Variants in ADAMTS3 observed in about 807,000 individuals in gnomAD.
The protein encoded by ADAMTS3 is ADAM metallopeptidase with thrombospondin type 1 motif 3.
In ADAMTS3, 73 loss-of-function variants were observed where a neutral mutation model predicts 129.0. That is an observed-to-expected ratio of 0.57 (90% CI 0.47 to 0.69). The LOEUF is 0.69. Ranked by LOEUF, ADAMTS3 falls within the 30% of genes least tolerant of loss-of-function variation. The pLI, the probability that ADAMTS3 is intolerant of heterozygous loss-of-function variation, is 0.00. For missense variants in ADAMTS3, 1,457 were observed against 1,514.5 expected (o/e 0.96, Z 0.63); for synonymous variants, 477 against 510.8 (o/e 0.93, Z 0.89).
rs374166266 is a variant in ADAMTS3 at position 72,320,901 on chromosome 4, C to T, written c.946-31G>A. 19 of 1,589,700 alleles carry T rather than the reference C, an allele frequency of 1.2e-5. No individual in the cohort carries two copies. The African/African-American group carries it at 2.6e-4, about 22-fold the overall frequency. The stretch of plus-strand genomic sequence containing the variant: ...TGAAAACAATATGTTAAAGACACAC[C>T]TGACAATTTCCCAAAGGCTTCGTTT... On this transcript the variant is annotated intron_variant, in intron 6 of 21. Coordinates refer to ENST00000286657, the MANE Select transcript of ADAMTS3 (RefSeq NM_014243.3).
intron 3 of ADAMTS3, among the ~76,000 whole-genome samples, chr4:72,505,714 G>T (rs1401308336): frequency 1.3e-5 from 2 of 152,232 alleles, no homozygotes; most frequent in African/African-American, 4.8e-5. Flanking sequence ...CCTTAGCCCT[G>T]AGTTCCCTGC....
At chr4:72,305,785 G>A (rs1426924970) in intron 16 of ADAMTS3, among the ~76,000 whole-genome samples, 2 of 151,428 alleles carry the variant, frequency 1.3e-5, no homozygotes, top group Non-Finnish European at 2.9e-5. Context: ...ACATGCACAT[G>A]TACGCACATA....
chr4:72,282,332 C>T lies in ADAMTS3; in HGVS notation c.*804G>A, dbSNP rs771042138. 6.6e-6 allele frequency: 1 copy of T among 152,186 alleles called. No individual in the cohort carries two copies. The highest frequency in any genetic ancestry group is 2.4e-5 in the African/African-American group (1 of 41,444). 9.4% of individuals were successfully genotyped at this position (152,186 alleles called of 1,614,324 possible). On this transcript the variant is annotated 3_prime_UTR_variant, in exon 22 of 22. Transcript: ENST00000286657. Reference sequence around the variant, plus strand: ...TACTATTCGTTGATCCCTGTGACCACAAGTGTACTAAGACACCAATCCTTT... The same window carrying T: ...TACTATTCGTTGATCCCTGTGACCATAAGTGTACTAAGACACCAATCCTTT...
chr4:72,410,086 C>T (rs2109920067), intron 4 of ADAMTS3, among the ~76,000 whole-genome samples: 1 of 152,090 alleles, frequency 6.6e-6, no homozygotes, highest in Admixed American at 6.6e-5. Flanking sequence ...GTTACAAAGC[C>T]CACCAATGAT....
At chr4:72,409,339 T>C (rs1397892458) in intron 4 of ADAMTS3, among the ~76,000 whole-genome samples, 1 of 152,164 alleles carries the variant, frequency 6.6e-6, no homozygotes, top group Non-Finnish European at 1.5e-5. Flanking sequence ...TTTTTCTGAG[T>C]AGGCAATTAC....
At chr4:72,487,644 C>T (rs1034330849) in intron 3 of ADAMTS3, among the ~76,000 whole-genome samples, 1 of 152,060 alleles carries the variant, frequency 6.6e-6, no homozygotes, top group Admixed American at 6.6e-5. Flanking sequence ...ATTAACAATA[C>T]TTTCTGCTAC....
chr4:72,303,614 C>T (rs995472324), intron 17 of ADAMTS3, among the ~76,000 whole-genome samples: 1 of 151,306 alleles, frequency 6.6e-6, no homozygotes, highest in African/African-American at 2.4e-5. Flanking sequence ...GAAAAGCATA[C>T]AAAATGGTAA....
At chr4:72,313,558 C>G in intron 12 of ADAMTS3, 119 bp downstream of exon 12, 1 of 1,070,380 alleles carries the variant, frequency 9.3e-7, no homozygotes, top group Admixed American at 2.6e-5. Context: ...GAACTGTGAA[C>G]AATTTATTTT....
Position 72,313,750 on chromosome 4 carries a change from T to C in ADAMTS3, c.1672A>G (p.Thr558Ala). 1.9e-6 allele frequency: 3 copies of C among 1,613,878 alleles called. No individual in the cohort carries two copies. In the South Asian group the frequency reaches 3.3e-5, roughly 18 times the overall value. The change falls in exon 12 of 22, where the codon ACT (threonine) becomes GCT (alanine). Residue 558 changes from threonine to alanine, a missense_variant. By Grantham distance (58) the Thr-to-Ala change is moderately conservative. Coordinates refer to ENST00000286657, the MANE Select transcript of ADAMTS3 (RefSeq NM_014243.3). ...GTCCGAGAACAGGAGCCAAATTTAG[T>C]CCATGACCCCCAATTGCCATCTTGT... ...QKQDGNWGSWTKFGSCSRTCG... is the reference protein window; with the variant it reads ...QKQDGNWGSWAKFGSCSRTCG...
chr4:72,513,282 C>T (rs1720365226), intron 3 of ADAMTS3, among the ~76,000 whole-genome samples: 1 of 152,174 alleles, frequency 6.6e-6, no homozygotes, highest in Admixed American at 6.5e-5. Context: ...TCTTTGATCC[C>T]TTACACACAC....
chr4:72,494,597 A>G (rs1719827161), intron 3 of ADAMTS3, among the ~76,000 whole-genome samples: 1 of 152,312 alleles, frequency 6.6e-6, no homozygotes, highest in East Asian at 1.9e-4. Flanking sequence ...CAGATACTGG[A>G]AAATTATCAT....
chr4:72,386,677 G>A (rs555777285), intron 4 of ADAMTS3, among the ~76,000 whole-genome samples: 2 of 152,158 alleles, frequency 1.3e-5, no homozygotes, highest in East Asian at 1.9e-4. Flanking sequence ...ATTTTCATGA[G>A]CTAGACATAA....
At chr4:72,341,953 G>A (rs1052632783) in intron 4 of ADAMTS3, among the ~76,000 whole-genome samples, 5 of 152,118 alleles carry the variant, frequency 3.3e-5, no homozygotes, top group African/African-American at 1.2e-4. Flanking sequence ...GATAGCTTCT[G>A]GCACTTTTTA....
At chr4:72,536,133 T>A (rs753726542) in intron 3 of ADAMTS3, among the ~76,000 whole-genome samples, 2 of 152,150 alleles carry the variant, frequency 1.3e-5, no homozygotes, top group African/African-American at 4.8e-5. Context: ...CAATAAGAAG[T>A]CTATCATGGT....
Position 72,399,831 on chromosome 4 carries a change from GTATA to G in ADAMTS3, c.661+14980_661+14983del, listed in dbSNP as rs745677175. Among the ~76,000 whole-genome samples, 25 of 124,268 alleles carry G rather than the reference GTATA, an allele frequency of 2.0e-4. 3 individuals carry two copies. The highest frequency in any genetic ancestry group is 1.0e-3 in the Admixed American group (13 of 12,922). The allele number at this position is 124,268 out of a possible 152,430, so 81.5% of individuals were successfully genotyped here. On this transcript the variant is annotated intron_variant, in intron 4 of 21. Coordinates refer to ENST00000286657, the MANE Select transcript of ADAMTS3 (RefSeq NM_014243.3). Reference sequence around the variant, plus strand: ...ACACACACGGTGTGTATATACGTGTGTATATATATACACACACGGTGTGTATATA... The same window carrying G: ...ACACACACGGTGTGTATATACGTGTGTATATACACACACGGTGTGTATATA...
At chr4:72,546,835 GT>G (rs148359868) in intron 3 of ADAMTS3, among the ~76,000 whole-genome samples, 1,747 of 152,246 alleles carry the variant, frequency 0.011, 30 homozygotes, top group African/African-American at 0.04. Flanking sequence ...TCATCCAGAA[GT>G]GTCTTCCCAA....
At chr4:72,470,374 T>TACAC (rs1240216533) in intron 3 of ADAMTS3, among the ~76,000 whole-genome samples, 24 of 144,104 alleles carry the variant, frequency 1.7e-4, no homozygotes, top group Middle Eastern at 3.5e-3. Context: ...TATATATATA[T>TACAC]ATACACACAC....
intron 4 of ADAMTS3, among the ~76,000 whole-genome samples, chr4:72,405,799 T>G (rs544385275): frequency 6.6e-6 from 1 of 152,054 alleles, no homozygotes; most frequent in East Asian, 1.9e-4. Context: ...TGGGGAGAGA[T>G]AGGATTAAGC....
Position 72,421,700 on chromosome 4 carries a change from A to G in ADAMTS3, c.505-6729T>C, listed in dbSNP as rs75977123. Among the ~76,000 whole-genome samples the G allele has an allele frequency of 9.2e-3, 1,394 of 152,294 alleles. 100 individuals carry two copies. In the East Asian group the frequency reaches 0.2, roughly 22 times the overall value. On this transcript the variant is annotated intron_variant, in intron 3 of 21. Transcript: ENST00000286657. Reference sequence around the variant, plus strand: ...AAGAGATATTACAAGGAGTTACAGAAAGACTTAAGTGTCAAAACCACATGT... The same window carrying G: ...AAGAGATATTACAAGGAGTTACAGAGAGACTTAAGTGTCAAAACCACATGT...
Sources: gnomAD v4.1 joint callset for allele counts (sites outside exome capture counted in the v4.1 genomes callset) on GRCh38, gnomAD v4.1.1 for gene constraint, MANE v1.5 for transcripts, NCBI Gene and HGNC (gene_info 2026-07-23, HGNC 2026-07-21) for gene names.